Variants in LCT observed in about 807,000 individuals in gnomAD.
The protein encoded by LCT is lactase/phlorizin hydrolase.
LCT carries 90 observed loss-of-function variants against 173.0 expected under a neutral mutation model. The ratio of observed to expected loss-of-function variants is 0.52; its 90% CI spans 0.44 to 0.62. The LOEUF (loss-of-function observed/expected upper bound fraction) is 0.62, where lower values mean the gene tolerates loss of function less well. LCT is among the 20% of genes least tolerant of loss of function. The probability of loss-of-function intolerance (pLI) is 0.00; values close to 1 mark genes in which losing one functional copy is unlikely to be tolerated. For synonymous variants in LCT, 853 were observed against 957.6 expected (o/e 0.89, Z 2.02); for missense variants, 1,864 against 2,431.4 (o/e 0.77, Z 4.91).
chr2:135,807,012 T>C, intron 9 of LCT, 116 bp downstream of exon 9: 2 of 1,219,394 alleles, frequency 1.6e-6, no homozygotes, highest in Non-Finnish European at 2.4e-6. Flanking sequence ...ATGCTGCCCC[T>C]CCATGGGTCT....
At chr2:135,824,133 T>C in intron 3 of LCT, 130 bp from the exon 4 acceptor site, 1 of 713,972 alleles carries the variant, frequency 1.4e-6, no homozygotes, top group South Asian at 1.5e-5. Flanking sequence ...AGTATCTCAG[T>C]TAATTAAAGG....
rs574338823 is a variant in LCT at position 135,827,799 on chromosome 2, A to G, written c.804+1794T>C. Among the ~76,000 whole-genome samples, 4 of 152,286 alleles carry G rather than the reference A, an allele frequency of 2.6e-5. No individual in the cohort carries two copies. The South Asian group carries it at 8.3e-4, about 32-fold the overall frequency. Reference sequence around the variant, plus strand: ...TGTGCAGCCAGGTTCCTAACAGGCCATGGACCAGTACTGGTGCTCCGCCTG... The same window carrying G: ...TGTGCAGCCAGGTTCCTAACAGGCCGTGGACCAGTACTGGTGCTCCGCCTG... On this transcript the variant is annotated intron_variant, in intron 3 of 16. Coordinates refer to ENST00000264162, the MANE Select transcript of LCT (RefSeq NM_002299.4).
chr2:135,825,639 G>A (rs1360540145), intron 3 of LCT, among the ~76,000 whole-genome samples: 1 of 152,184 alleles, frequency 6.6e-6, no homozygotes, highest in Non-Finnish European at 1.5e-5. Context: ...CGAGAACCCT[G>A]GAGTGTGCCG....
At chr2:135,802,512 G>A (rs529385620) in intron 11 of LCT, among the ~76,000 whole-genome samples, 112 of 152,294 alleles carry the variant, frequency 7.4e-4, no homozygotes, top group Non-Finnish European at 1.3e-3. Context: ...ATCTATATAT[G>A]ATGGAATACT....
chr2:135,828,775 C>T (rs967823566), intron 3 of LCT, among the ~76,000 whole-genome samples: 11 of 152,152 alleles, frequency 7.2e-5, no homozygotes, highest in African/African-American at 2.7e-4. Context: ...TTGAGAAAAG[C>T]AGTACTGGGT....
rs565117786 is a variant in LCT at position 135,804,108 on chromosome 2, G to A, written c.4485C>T (p.Asp1495=). 6.2e-7 allele frequency: 1 copy of A among 1,613,926 alleles called. No individual in the cohort carries two copies. Among genetic ancestry groups the A allele is most frequent in the South Asian group, 1.1e-5 (1 of 91,062 alleles). Residue 1495 remains aspartate, a synonymous_variant, in exon 11 of 17, where the codon GAC becomes GAT. Coordinates refer to ENST00000264162, the MANE Select transcript of LCT (RefSeq NM_002299.4). ...IQPQVTIYHW[D]LPQTLQDVGG... is the part of the protein sequence containing the mutation. ...CTACATCTTGGAGCGTCTGTGGTAG[G>A]TCCCAGTGGTAAATGGTCACCTGGG...
chr2:135,808,831 C>T lies in LCT; in HGVS notation c.3516G>A (p.Val1172=), dbSNP rs371679732. ...AGTGCTGCAGTTCACTCCTGTTCCC[C>T]ACTTTCCACTTCATGGTGTCAGGAT... ...GDYPDTMKWK[V]GNRSELQHLA... is the part of the protein sequence containing the mutation. The change falls in exon 8 of 17, where the codon GTG becomes GTA. Residue 1172 remains valine (V), a synonymous_variant. Transcript: ENST00000264162. 67 of 1,614,036 alleles carry T rather than the reference C, an allele frequency of 4.2e-5. No individual in the cohort carries two copies. Among genetic ancestry groups the T allele is most frequent in the Non-Finnish European group, 5.4e-5 (64 of 1,180,002 alleles).
chr2:135,795,604 C>CTAATAATAATAATAATAA (rs768794511), intron 13 of LCT, among the ~76,000 whole-genome samples: 1 of 146,050 alleles, frequency 6.8e-6, no homozygotes, highest in African/African-American at 2.5e-5. Flanking sequence ...TTCTCCAACT[C>CTAATAATAATAATAATAA]TAATAATAAT....
chr2:135,788,073 C>T lies in LCT; in HGVS notation c.*251G>A, dbSNP rs886054860. The T allele has an allele frequency of 1.9e-6, 1 of 528,870 alleles. No individual in the cohort carries two copies. Among genetic ancestry groups the T allele is most frequent in the Non-Finnish European group, 3.4e-6 (1 of 293,348 alleles). The allele number at this position is 528,870 out of a possible 1,614,324, so 32.8% of individuals were successfully genotyped here. A position where few individuals can be genotyped will look rare whatever the true frequency, so the allele number is the denominator to read the frequency against. On this transcript the variant is annotated 3_prime_UTR_variant, in exon 17 of 17. Transcript: ENST00000264162. ...GTTCACAGACCCACTAGACCAGTAT[C>T]TACACGTTTCCGCAAGAGCTACTTG...
chr2:135,796,246 T>C (rs1335288086), intron 13 of LCT, among the ~76,000 whole-genome samples: 1 of 152,230 alleles, frequency 6.6e-6, no homozygotes, highest in Non-Finnish European at 1.5e-5. Context: ...TCTGACACTT[T>C]CATCTTGACC....
intron 9 of LCT, 32 bp from the exon 10 acceptor site, chr2:135,805,089 C>A: frequency 1.2e-6 from 2 of 1,608,186 alleles, no homozygotes; most frequent in South Asian, 2.2e-5. Flanking sequence ...CTTATTAAGT[C>A]ATTCAGTCAA....
intron 16 of LCT, among the ~76,000 whole-genome samples, 190 bp downstream of exon 16, chr2:135,789,381 A>AC (rs2077516730): frequency 1.3e-5 from 2 of 152,158 alleles, no homozygotes; most frequent in African/African-American, 4.8e-5. Flanking sequence ...TGTAACATTG[A>AC]CCCTAAGTGT....
In LCT at chr2:135,794,128, ACT is replaced by A. The variant is rs1355635560; in HGVS notation, c.5111+511_5111+512del. On this transcript the variant is annotated intron_variant, in intron 14 of 16. Transcript: ENST00000264162. The stretch of plus-strand genomic sequence containing the variant: ...CACTCCAGCCTGGTGACAGAGCGAG[ACT>A]CTGTCTCAAAAAAAATAAATAAAAT... 2.2e-5 allele frequency among the ~76,000 whole-genome samples: 3 copies of A among 138,806 alleles called. No individual in the cohort carries two copies. In the East Asian group the frequency reaches 6.3e-4, roughly 29 times the overall value. 91.1% of individuals were successfully genotyped at this position (138,806 alleles called of 152,430 possible). A position where few individuals can be genotyped will look rare whatever the true frequency, so the allele number is the denominator to read the frequency against.
Position 135,836,601 on chromosome 2 carries a change from G to A in LCT, c.569C>T (p.Ser190Leu), listed in dbSNP as rs35156533. ...KELPHQESRA[S>L]QLQTLSDAHR... ...GGCATCACTGAGGGTCTGGAGTTGT[G>A]ACGCTCTTGATTCCTGGTGGGGAAG... is the stretch of plus-strand genomic sequence containing the variant. The change falls in exon 1 of 17, where the codon TCA becomes TTA. Residue 190 changes from serine (S) to leucine (L), a missense_variant. Around this residue, in one of 4 missense-constraint regions of LCT, gnomAD observed 412 missense variants for 462.0 expected, o/e 0.89. Coordinates refer to ENST00000264162, the MANE Select transcript of LCT (RefSeq NM_002299.4). 7.2e-4 allele frequency: 1,164 copies of A among 1,614,084 alleles called. 8 individuals are homozygous for A. In the African/African-American group the frequency reaches 0.014, roughly 19 times the overall value.
rs1185096221 is a variant in LCT, at chr2:135,804,143, G to T, written c.4465-15C>A. ...TAAATGGTCACCTGGGAAGAAGCCA[G>T]ATCAGCTGTTGCATCAGTCATGCTT... On this transcript the variant is annotated splice_polypyrimidine_tract_variant and intron_variant, in intron 10 of 16. Transcript: ENST00000264162. 3 of 1,607,124 alleles carry T rather than the reference G, an allele frequency of 1.9e-6. No individual in the cohort carries two copies. Among genetic ancestry groups the T allele is most frequent in the South Asian group, 1.1e-5 (1 of 90,892 alleles).
At chr2:135,798,811 G>A (rs1445695661) in intron 12 of LCT, among the ~76,000 whole-genome samples, 1 of 152,286 alleles carries the variant, frequency 6.6e-6, no homozygotes, top group Middle Eastern at 3.4e-3. Context: ...TGGGGTGAGG[G>A]CAGCTTCCAC....
intron 15 of LCT, 125 bp from the exon 16 acceptor site, chr2:135,789,923 G>T (rs538567636): frequency 5.9e-5 from 47 of 790,878 alleles, no homozygotes; most frequent in Admixed American, 1.1e-4. Context: ...GTAAGCTTTG[G>T]CTTTAGCTCT....
In LCT at chr2:135,790,763, G is replaced by A; in HGVS notation, c.5230C>T (p.Pro1744Ser). ...ACTCCATTCTCTGTGACATAAATTGGAGGGTCATTGTATTCCTCCTTTAAC... is the reference window on the plus strand; with the variant it reads ...ACTCCATTCTCTGTGACATAAATTGAAGGGTCATTGTATTCCTCCTTTAAC... ...NWLKEEYNDP[P>S]IYVTENGVSQ... Residue 1744 changes from proline (P) to serine (S), a missense_variant, in exon 15 of 17, where the codon CCA becomes TCA. Coordinates refer to ENST00000264162, the MANE Select transcript of LCT (RefSeq NM_002299.4). The surrounding 1 kb of genome is among the most constrained non-coding windows in gnomAD (Gnocchi z 4.1). 1 of 1,613,820 alleles carries A rather than the reference G, an allele frequency of 6.2e-7. No homozygotes were observed.
At chr2:135,807,855 C>T (rs537803808) in intron 8 of LCT, among the ~76,000 whole-genome samples, 1 of 151,024 alleles carries the variant, frequency 6.6e-6, no homozygotes, top group East Asian at 1.9e-4. Context: ...AGGCTGGGCA[C>T]AGTGGCTCAT....
Sources: allele counts gnomAD v4.1 joint callset (sites outside exome capture counted in the v4.1 genomes callset), GRCh38; gene constraint gnomAD v4.1.1; regional missense constraint gnomAD v4.1.1; non-coding constraint Gnocchi (gnomAD v3.1); transcripts MANE v1.5; gene names NCBI Gene and HGNC (gene_info 2026-07-23, HGNC 2026-07-21).